CPAMD8: variants seen among roughly 807,000 people sequenced by gnomAD.
CPAMD8 encodes the protein C3 and PZP-like alpha-2-macroglobulin domain-containing protein 8.
Under a neutral mutation model 224.7 loss-of-function variants are expected in CPAMD8, and 146 were observed. The ratio of observed to expected loss-of-function variants is 0.65; its 90% CI spans 0.57 to 0.75. CPAMD8 has a LOEUF of 0.75. Among genes scored for constraint, CPAMD8 ranks in the 30% least tolerant of loss-of-function variants. The pLI, the probability that CPAMD8 is intolerant of heterozygous loss-of-function variation, is 0.00. For synonymous variants in CPAMD8, 966 were observed against 1,044.6 expected, an observed-to-expected ratio of 0.92 and a Z score of 1.45; for missense variants, 2,301 against 2,537.5, an observed-to-expected ratio of 0.91 and a Z score of 2.00.
At chr19:16,960,336 G>C (rs147704598) in intron 18 of CPAMD8, among the ~76,000 whole-genome samples, 2 of 152,256 alleles carry the variant, frequency 1.3e-5, no homozygotes, top group Non-Finnish European at 2.9e-5. Context: ...CAAACACAGA[G>C]AGATGGAGTG....
rs892031310 is a variant in CPAMD8, at chr19:17,003,092, G to C, written c.674-742C>G. ...TAATTTTTGTATTTTTAGTAGAGAT[G>C]GGGTTTCACCATGTTGGCCAGCCTG... On this transcript the variant is annotated intron_variant, in intron 8 of 41. Transcript: ENST00000443236. 1.6e-4 allele frequency among the ~76,000 whole-genome samples: 25 copies of C among 151,586 alleles called. No homozygotes were observed. In the East Asian group the frequency reaches 4.1e-3, roughly 25 times the overall value.
intron 30 of CPAMD8, among the ~76,000 whole-genome samples, chr19:16,906,047 G>C (rs1472059045): frequency 1.3e-5 from 2 of 152,146 alleles, no homozygotes; most frequent in Non-Finnish European, 2.9e-5. Context: ...GGAGGCGGGG[G>C]ATGCGTTCTC....
chr19:17,012,315 G>A (rs539196582), intron 3 of CPAMD8, among the ~76,000 whole-genome samples: 3 of 150,684 alleles, frequency 2.0e-5, no homozygotes, highest in East Asian at 2.0e-4. Flanking sequence ...CATTGCACCC[G>A]GCCATATCTT....
In CPAMD8 at chr19:16,998,425, A is replaced by G. The variant is rs1219148566; in HGVS notation, c.868-1087T>C. On this transcript the variant is annotated intron_variant, in intron 10 of 41. Transcript: ENST00000443236. Reference sequence around the variant, plus strand: ...CAGTGATCCAAGATCGTGCCACTGCACTCCAGCCTGGGAGACAGAGAGAGA... The same window carrying G: ...CAGTGATCCAAGATCGTGCCACTGCGCTCCAGCCTGGGAGACAGAGAGAGA... Among the ~76,000 whole-genome samples the G allele has an allele frequency of 3.3e-5, 5 of 152,212 alleles. No homozygotes were observed. The East Asian group carries it at 7.7e-4, about 23-fold the overall frequency.
At chr19:17,002,157 T>TGGGA in intron 9 of CPAMD8, 109 bp downstream of exon 9, 1 of 704,050 alleles carries the variant, frequency 1.4e-6, no homozygotes, top group Non-Finnish European at 2.5e-6. Flanking sequence ...CACACCCATG[T>TGGGA]GGGAGGGAGG....
intron 41 of CPAMD8, chr19:16,894,950 AC>A: frequency 5.7e-6 from 1 of 175,710 alleles, no homozygotes; most frequent in Non-Finnish European, 1.2e-5. Context: ...ACACACACAC[AC>A]ACACACACAC....
At chr19:17,004,137 C>G (rs1401853499) in intron 8 of CPAMD8, 136 bp downstream of exon 8, 1 of 546,596 alleles carries the variant, frequency 1.8e-6, no homozygotes, top group East Asian at 3.5e-5. Context: ...AACTCCTGAC[C>G]TCAAGTGATC....
intron 14 of CPAMD8, 42 bp from the exon 15 acceptor site, chr19:16,977,582 A>T: frequency 1.4e-6 from 2 of 1,480,578 alleles, no homozygotes; most frequent in Non-Finnish European, 1.8e-6. Flanking sequence ...AATTCTCCGC[A>T]TCCGACATGC....
intron 5 of CPAMD8, among the ~76,000 whole-genome samples, chr19:17,010,173 T>C (rs75848070): frequency 0.044 from 6,734 of 152,104 alleles, 163 homozygotes; most frequent in Middle Eastern, 0.072. Flanking sequence ...ACAACATGGA[T>C]TTTATATTAG....
intron 2 of CPAMD8, 121 bp downstream of exon 2, chr19:17,021,909 T>G: frequency 1.1e-5 from 4 of 373,604 alleles, no homozygotes; most frequent in East Asian, 8.1e-5. Context: ...CCCATGCCCC[T>G]GGGGATTTAG....
Position 16,903,704 on chromosome 19 carries a change from C to T in CPAMD8, c.4405G>A (p.Ala1469Thr). ...RTNQKVLQTA[A>T]IPSLPTGLFV... ...ACCCTCATCCCAGGAACACGCACCG[C>T]TGCTGTCTGCAGAACCTTCTGGTTG... is the stretch of plus-strand genomic sequence containing the variant. Residue 1469 changes from alanine to threonine, a missense_variant and splice_region_variant, in exon 33 of 42, where the codon GCG (alanine) becomes ACG (threonine). By Grantham distance (58) the Ala-to-Thr change is moderately conservative (BLOSUM62 0). Transcript: ENST00000443236. The T allele has an allele frequency of 2.5e-6, 4 of 1,614,190 alleles. No homozygotes were observed. The highest frequency in any genetic ancestry group is 3.4e-6 in the Non-Finnish European group (4 of 1,180,026).
intron 30 of CPAMD8, among the ~76,000 whole-genome samples, chr19:16,906,337 C>CTTT (rs2052477950): frequency 1.2e-5 from 1 of 81,670 alleles, no homozygotes; most frequent in African/African-American, 4.5e-5. Context: ...TCCTTCTTTC[C>CTTT]CTTTCTTTCT....
intron 26 of CPAMD8, among the ~76,000 whole-genome samples, chr19:16,923,267 G>A (rs192161087): frequency 5.3e-5 from 8 of 152,350 alleles, no homozygotes; most frequent in Admixed American, 2.0e-4. Context: ...CCAGTGGACC[G>A]TAGGGTCTGG....
At chr19:17,003,394 G>A (rs1049389988) in intron 8 of CPAMD8, among the ~76,000 whole-genome samples, 1 of 151,618 alleles carries the variant, frequency 6.6e-6, no homozygotes, top group East Asian at 2.0e-4. Flanking sequence ...TACAGACAGG[G>A]ACTATGTTGT....
chr19:16,929,064 T>C lies in CPAMD8; in HGVS notation c.3022A>G (p.Thr1008Ala). Residue 1008 changes from threonine to alanine, a missense_variant, in exon 24 of 42, where the codon ACC (threonine) becomes GCC (alanine). Thr to Ala is a moderately conservative substitution (Grantham distance 58). Around this residue, in one of 4 missense-constraint regions of CPAMD8, gnomAD observed 1,709 missense variants for 1,753.2 expected, o/e 0.97. Transcript: ENST00000443236. Reference sequence around the variant, plus strand: ...TTGCTGGTGGAGATCCATGACCTGGTGTTCTGATGCCCCCCCAGGACGATC... The same window carrying C: ...TTGCTGGTGGAGATCCATGACCTGGCGTTCTGATGCCCCCCCAGGACGATC... ...IEIVLGGHQN[T>A]RSWISTSKMG... is the part of the protein sequence containing the mutation. The C allele has an allele frequency of 1.2e-6, 2 of 1,613,952 alleles. No individual in the cohort carries two copies. Among genetic ancestry groups the C allele is most frequent in the Admixed American group, 1.7e-5 (1 of 60,008 alleles).
At chr19:16,987,289 C>T (rs2122857662) in intron 13 of CPAMD8, among the ~76,000 whole-genome samples, 1 of 144,966 alleles carries the variant, frequency 6.9e-6, no homozygotes, top group South Asian at 2.2e-4. Context: ...ACAGTTGACC[C>T]TTGAGAAATA....
chr19:16,988,229 A>G (rs988915231), intron 13 of CPAMD8, among the ~76,000 whole-genome samples: 3 of 152,124 alleles, frequency 2.0e-5, no homozygotes, highest in African/African-American at 7.2e-5. Flanking sequence ...CAGCAGCTCT[A>G]TGTCAGGTCT....
chr19:16,914,395 G>A (rs377608422), intron 29 of CPAMD8, 29 bp downstream of exon 29: 13 of 1,601,756 alleles, frequency 8.1e-6, no homozygotes, highest in Admixed American at 1.7e-5. Flanking sequence ...GCCCAGCCCC[G>A]AGTCTCCCCA....
At chr19:16,914,884 C>T in intron 27 of CPAMD8, 71 bp from the exon 28 acceptor site, 1 of 1,167,918 alleles carries the variant, frequency 8.6e-7, no homozygotes, top group Non-Finnish European at 1.2e-6. Context: ...TGAGGGATTG[C>T]AGCAAGCTCC....
Sources: gnomAD v4.1 joint callset for allele counts (sites outside exome capture counted in the v4.1 genomes callset) on GRCh38, gnomAD v4.1.1 for gene constraint, gnomAD v4.1.1 regional missense constraint, MANE v1.5 for transcripts, NCBI Gene and HGNC (gene_info 2026-07-23, HGNC 2026-07-21) for gene names.